The following TMEM232 variants were observed in gnomAD, a reference collection of about 807,000 sequenced individuals.
TMEM232 encodes transmembrane protein 232.
In TMEM232, 80 loss-of-function variants were observed where a neutral mutation model predicts 78.8. The observed-to-expected ratio is 1.01, with a 90% CI of 0.85 to 1.22. The LOEUF (loss-of-function observed/expected upper bound fraction) is 1.22. Among genes scored for constraint, TMEM232 ranks in the 50% most tolerant of loss-of-function variants. The pLI is 0.00. For missense variants in TMEM232, 881 were observed against 742.2 expected (o/e 1.19, Z -2.17); for synonymous variants, 297 against 254.3 (o/e 1.17, Z -1.60).
intron 10 of TMEM232, among the ~76,000 whole-genome samples, chr5:110,588,997 T>A (rs1486494157): frequency 3.3e-5 from 5 of 152,096 alleles, no homozygotes; most frequent in African/African-American, 1.2e-4. Context: ...AGACTCCAGA[T>A]AATGCAGGCT....
At position 110,709,467 on chromosome 5, in the gene TMEM232, T is replaced by C. The variant is rs1410583434; in HGVS notation, c.-13+17160A>G. ...TCAGCACATGGATCATTCTCTAGAATAGACCATATGTTAGGTCACAGAATT... is the reference window on the plus strand; with the variant it reads ...TCAGCACATGGATCATTCTCTAGAACAGACCATATGTTAGGTCACAGAATT... On this transcript the variant is annotated intron_variant, in intron 1 of 13. Coordinates refer to ENST00000455884, the MANE Select transcript of TMEM232 (RefSeq NM_001039763.4). 3.3e-5 allele frequency among the ~76,000 whole-genome samples: 5 copies of C among 152,230 alleles called. No homozygotes were observed. The East Asian group carries it at 7.7e-4, about 23-fold the overall frequency.
chr5:110,423,205 G>A (rs1463001029), intron 13 of TMEM232, among the ~76,000 whole-genome samples: 1 of 152,164 alleles, frequency 6.6e-6, no homozygotes, highest in Non-Finnish European at 1.5e-5. Flanking sequence ...AAGAACTTCA[G>A]CAGCTATGAA....
At position 110,640,985 on chromosome 5, in the gene TMEM232, A is replaced by AC; in HGVS notation, c.248dup (p.Leu84SerfsTer18). The AC allele has an allele frequency of 6.5e-7, 1 of 1,527,848 alleles. No individual in the cohort carries two copies. The allele number at this position is 1,527,848 out of a possible 1,614,324, so 94.6% of individuals were successfully genotyped here. A position where few individuals can be genotyped will look rare whatever the true frequency, so the allele number is the denominator to read the frequency against. ...GCCTTCCAGAGCCCAGGGTTTTGAG[A>AC]CCCAATTTTCTCTGTTATGAGGAAG... is the stretch of plus-strand genomic sequence containing the variant. On this transcript the variant is annotated frameshift_variant, in exon 4 of 14. Transcript: ENST00000455884. LOFTEE classifies it high-confidence loss of function.
intron 11 of TMEM232, among the ~76,000 whole-genome samples, chr5:110,537,086 C>T (rs189132968): frequency 6.6e-6 from 1 of 152,178 alleles, no homozygotes; most frequent in Non-Finnish European, 1.5e-5. Context: ...CCTCAAGCAT[C>T]ACTCGGGTCA....
rs1786169277 is a variant in TMEM232 at position 110,638,267 on chromosome 5, A to T, written c.432T>A (p.Val144=). The T allele has an allele frequency of 2.6e-6, 4 of 1,551,028 alleles. No individual in the cohort carries two copies. In the Admixed American group the frequency reaches 5.9e-5, roughly 23 times the overall value. ...ATGCATCACAACACAGTCTGTATAA[A>T]ACCGATTCCGCAACAAAAAATAAGG... is the stretch of plus-strand genomic sequence containing the variant. The part of the protein sequence containing the change: ...LPALFFVAES[V]LYRLCCDASL... Residue 144 remains valine (V), a synonymous_variant, in exon 5 of 14, where the codon GTT becomes GTA. Transcript: ENST00000455884.
chr5:110,524,311 A>G (rs1338980448), intron 12 of TMEM232, among the ~76,000 whole-genome samples: 4 of 145,910 alleles, frequency 2.7e-5, no homozygotes, highest in Non-Finnish European at 5.9e-5. Flanking sequence ...ATAAAAAGAA[A>G]GAAGGAAGGA....
At chr5:110,465,416 C>G (rs1173809819) in intron 12 of TMEM232, among the ~76,000 whole-genome samples, 1 of 152,138 alleles carries the variant, frequency 6.6e-6, no homozygotes, top group Non-Finnish European at 1.5e-5. Flanking sequence ...GCTCAGTCAC[C>G]TTACCAGCCC....
chr5:110,483,032 T>C (rs955324647), intron 12 of TMEM232, among the ~76,000 whole-genome samples: 27 of 152,194 alleles, frequency 1.8e-4, no homozygotes, highest in Non-Finnish European at 3.5e-4. Context: ...TATAAAAGTA[T>C]AAATGTATTT....
intron 10 of TMEM232, among the ~76,000 whole-genome samples, chr5:110,594,608 G>C (rs991531166): frequency 6.6e-6 from 1 of 152,090 alleles, no homozygotes; most frequent in Non-Finnish European, 1.5e-5. Flanking sequence ...TGGGAGGATC[G>C]AGCTTCATGC....
chr5:110,617,223 G>A (rs1000024391), intron 8 of TMEM232, among the ~76,000 whole-genome samples: 2 of 152,140 alleles, frequency 1.3e-5, no homozygotes, highest in South Asian at 2.1e-4. Flanking sequence ...TATAAAAGCC[G>A]AACTTGCAGA....
Position 110,388,996 on chromosome 5 carries a change from C to G in TMEM232, n.616-943G>C, listed in dbSNP as rs186996774. ...TGTCTTGGGGCCGGGTGCAGTGGCT[C>G]ATGCCTGTAATCCCAGCACTTTGGG... On this transcript the variant is annotated intron_variant and non_coding_transcript_variant, in intron 4 of 8. Transcript: ENST00000507188. Among the ~76,000 whole-genome samples, 3 of 152,256 alleles carry G rather than the reference C, an allele frequency of 2.0e-5. No homozygotes were observed. The East Asian group carries it at 5.8e-4, about 29-fold the overall frequency.
chr5:110,477,258 A>G (rs1763352277), intron 12 of TMEM232, among the ~76,000 whole-genome samples: 1 of 151,956 alleles, frequency 6.6e-6, no homozygotes, highest in African/African-American at 2.4e-5. Context: ...AGATGGTTGC[A>G]CTTCCATAAA....
intron 11 of TMEM232, among the ~76,000 whole-genome samples, chr5:110,557,965 T>G (rs1379561449): frequency 6.6e-6 from 1 of 152,190 alleles, no homozygotes; most frequent in African/African-American, 2.4e-5. Context: ...TTGGATGGGC[T>G]TTTGCTTTTA....
At chr5:110,479,236 T>C (rs1180791820) in intron 12 of TMEM232, among the ~76,000 whole-genome samples, 1 of 151,794 alleles carries the variant, frequency 6.6e-6, no homozygotes, top group Non-Finnish European at 1.5e-5. Context: ...AGATAGAACA[T>C]ATAAAAACAT....
chr5:110,653,548 T>G (rs1446210527), intron 2 of TMEM232, among the ~76,000 whole-genome samples: 1 of 152,194 alleles, frequency 6.6e-6, no homozygotes, highest in African/African-American at 2.4e-5. Context: ...CTCTGCTTTT[T>G]CCTGGGCACA....
intron 1 of TMEM232, among the ~76,000 whole-genome samples, chr5:110,726,369 C>CA (rs1351611010): frequency 6.6e-6 from 1 of 152,028 alleles, no homozygotes; most frequent in East Asian, 1.9e-4. Context: ...TTCTCCCCAA[C>CA]AAAAAAGCTT....
intron 1 of TMEM232, among the ~76,000 whole-genome samples, chr5:110,700,100 G>A (rs529345649): frequency 1.7e-3 from 258 of 152,174 alleles, no homozygotes; most frequent in African/African-American, 5.8e-3. Flanking sequence ...GCTGAAGACA[G>A]GGAGAAGGCC....
chr5:110,700,723 G>A (rs1580721253), intron 1 of TMEM232, among the ~76,000 whole-genome samples: 1 of 151,754 alleles, frequency 6.6e-6, no homozygotes, highest in East Asian at 1.9e-4. Context: ...CATAATCTGG[G>A]GGAAGTGAAG....
intron 12 of TMEM232, among the ~76,000 whole-genome samples, chr5:110,451,710 C>G (rs928622161): frequency 6.6e-6 from 1 of 152,086 alleles, no homozygotes; most frequent in Non-Finnish European, 1.5e-5. Flanking sequence ...TTTCTTCCAG[C>G]AAGAAGCTTT....
Sources: gnomAD v4.1 joint callset for allele counts (sites outside exome capture counted in the v4.1 genomes callset) on GRCh38, gnomAD v4.1.1 for gene constraint, MANE v1.5 for transcripts, NCBI Gene and HGNC (gene_info 2026-07-23, HGNC 2026-07-21) for gene names.